Variants in EVL observed in about 807,000 individuals in gnomAD.
EVL encodes ena/VASP-like protein.
EVL carries 21 observed loss-of-function variants against 59.6 expected under a neutral mutation model. The observed-to-expected ratio is 0.35, with a 90% confidence interval of 0.25 to 0.51. EVL has a LOEUF of 0.51. Among genes scored for constraint, EVL ranks in the 20% least tolerant of loss-of-function variants. The pLI, the probability that EVL is intolerant of heterozygous loss-of-function variation, is 0.97. For synonymous variants in EVL, 198 were observed against 203.5 expected, an observed-to-expected ratio of 0.97 and a Z score of 0.23; for missense variants, 462 against 546.6, an observed-to-expected ratio of 0.85 and a Z score of 1.54.
At chr14:100,141,369 A>G in intron 12 of EVL, 123 bp downstream of exon 12, 1 of 1,032,944 alleles carries the variant, frequency 9.7e-7, no homozygotes, top group Non-Finnish European at 1.4e-6. Flanking sequence ...AAGGCCAGTC[A>G]GGGAGCAGCC....
intron 1 of EVL, among the ~76,000 whole-genome samples, chr14:100,010,717 C>G (rs1191330675): frequency 6.6e-6 from 1 of 152,056 alleles, no homozygotes; most frequent in East Asian, 1.9e-4. Flanking sequence ...TTTGTTTGTT[C>G]GTACCTCTGT....
chr14:100,018,660 G>T (rs753443228), intron 1 of EVL, among the ~76,000 whole-genome samples: 1 of 152,200 alleles, frequency 6.6e-6, no homozygotes, highest in Non-Finnish European at 1.5e-5. Context: ...ACCTTTTCCA[G>T]GTCGATTACA....
intron 4 of EVL, among the ~76,000 whole-genome samples, chr14:100,125,309 G>A (rs1433607148): frequency 6.6e-6 from 1 of 150,622 alleles, no homozygotes; most frequent in East Asian, 1.9e-4. Context: ...GGAGACTCTC[G>A]CTTGTCCCAC....
At chr14:100,071,442 C>T (rs942838598) in intron 1 of EVL, among the ~76,000 whole-genome samples, 9 of 152,196 alleles carry the variant, frequency 5.9e-5, no homozygotes, top group African/African-American at 2.4e-5. Flanking sequence ...CTCATGAATT[C>T]ATGGTGGAAT....
rs1340529785 is a variant in EVL, at chr14:99,972,847, G to C, written c.5+790G>C. Among the ~76,000 whole-genome samples, 2 of 150,976 alleles carry C rather than the reference G, an allele frequency of 1.3e-5. No individual in the cohort carries two copies. Among genetic ancestry groups the C allele is most frequent in the Non-Finnish European group, 2.9e-5 (2 of 67,904 alleles). The stretch of plus-strand genomic sequence containing the variant: ...ATTTTGCTTTCTGAACACGTATCTC[G>C]TAAAAACTGTAGTTTGTAACTATAG... On this transcript the variant is annotated intron_variant, in intron 1 of 13. Transcript: ENST00000402714. This position sits in a 1 kb window ranked among gnomAD's most constrained non-coding sequence, Gnocchi z 4.4.
chr14:100,095,538 C>T (rs1885748443), intron 2 of EVL, among the ~76,000 whole-genome samples: 1 of 152,082 alleles, frequency 6.6e-6, no homozygotes, highest in Admixed American at 6.5e-5. Flanking sequence ...TTTCTGATGA[C>T]CTATAACTAA....
At chr14:100,018,149 G>A (rs182306013) in intron 1 of EVL, among the ~76,000 whole-genome samples, 2 of 152,358 alleles carry the variant, frequency 1.3e-5, no homozygotes, top group Non-Finnish European at 2.9e-5. Flanking sequence ...TGCAGGAGAG[G>A]CAAACACAAT....
intron 1 of EVL, among the ~76,000 whole-genome samples, chr14:100,046,599 A>G (rs1007644524): frequency 1.3e-5 from 2 of 151,824 alleles, no homozygotes; most frequent in Non-Finnish European, 2.9e-5. Context: ...CCTGGGAGGC[A>G]GAGGCTGCAG....
chr14:100,121,922 C>A (rs1055962302), intron 3 of EVL, among the ~76,000 whole-genome samples: 1 of 152,198 alleles, frequency 6.6e-6, no homozygotes, highest in South Asian at 2.1e-4. Context: ...TAGACAGGGT[C>A]GCTGGGACAG....
At chr14:100,087,046 T>C (rs987201639) in intron 2 of EVL, among the ~76,000 whole-genome samples, 4 of 152,248 alleles carry the variant, frequency 2.6e-5, no homozygotes, top group African/African-American at 9.6e-5. Flanking sequence ...GAATCAAAGA[T>C]TCCTGGTTTT....
At chr14:100,053,596 C>T (rs1445764746) in intron 1 of EVL, among the ~76,000 whole-genome samples, 1 of 152,188 alleles carries the variant, frequency 6.6e-6, no homozygotes, top group Non-Finnish European at 1.5e-5. Flanking sequence ...ATTGATTACT[C>T]AAACATCATT....
In EVL at chr14:100,125,546, G is replaced by A. The variant is rs537401036; in HGVS notation, c.423-1161G>A. Among the ~76,000 whole-genome samples the A allele has an allele frequency of 8.1e-4, 123 of 152,054 alleles. 2 individuals are homozygous for A. The highest frequency in any genetic ancestry group is 1.5e-3 in the Non-Finnish European group (99 of 67,982). Reference sequence around the variant, plus strand: ...CTTTTCAGACCTTAATGCTAAAAGGGGCTTTTCCGTAATTTTTTTTTTTTT... The same window carrying A: ...CTTTTCAGACCTTAATGCTAAAAGGAGCTTTTCCGTAATTTTTTTTTTTTT... On this transcript the variant is annotated intron_variant, in intron 4 of 13. Transcript: ENST00000392920.
In EVL at chr14:100,127,864, C is replaced by G. The variant is rs1888178193; in HGVS notation, c.488-655C>G. 1.3e-5 allele frequency among the ~76,000 whole-genome samples: 2 copies of G among 152,230 alleles called. No homozygotes were observed. Among genetic ancestry groups the G allele is most frequent in the Non-Finnish European group, 2.9e-5 (2 of 68,042 alleles). ...AGTCCTCCATCTGCGTTTACCTCTG[C>G]GATTCGTTGACTGTTCCTCATAGGC... On this transcript the variant is annotated intron_variant, in intron 5 of 13. Coordinates refer to ENST00000392920, the MANE Select transcript of EVL (RefSeq NM_016337.3). This position sits in a 1 kb window ranked among gnomAD's most constrained non-coding sequence, Gnocchi z 4.2.
At chr14:100,099,888 T>C (rs1886089845) in intron 3 of EVL, among the ~76,000 whole-genome samples, 1 of 151,652 alleles carries the variant, frequency 6.6e-6, no homozygotes, top group Non-Finnish European at 1.5e-5. Context: ...TTATTTTACT[T>C]GTACATGCAG....
intron 1 of EVL, among the ~76,000 whole-genome samples, chr14:100,050,388 C>T (rs957770744): frequency 7.9e-5 from 12 of 151,148 alleles, no homozygotes; most frequent in African/African-American, 2.4e-4. Flanking sequence ...CTCACTCTGT[C>T]GCCCAGGCTG....
At chr14:100,097,182 G>A (rs544948748) in intron 2 of EVL, 2 of 257,586 alleles carry the variant, frequency 7.8e-6, no homozygotes, top group African/African-American at 4.4e-5. Context: ...GCCATGAGTG[G>A]AGTGGCTGAG....
At position 100,084,873 on chromosome 14, in the gene EVL, A is replaced by G. The variant is rs2062402546; in HGVS notation, c.180+18A>G. ...ATCAGCAGGTCAGTGCTGGAATTAC[A>G]GATTATACCCGTGAGCCTGCGCACC... On this transcript the variant is annotated intron_variant, in intron 2 of 13. Transcript: ENST00000392920. 6.2e-7 allele frequency: 1 copy of G among 1,613,130 alleles called. No individual in the cohort carries two copies. The highest frequency in any genetic ancestry group is 8.5e-7 in the Non-Finnish European group (1 of 1,179,598).
chr14:99,994,753 A>T lies in EVL; in HGVS notation c.5+22696A>T, dbSNP rs559288027. On this transcript the variant is annotated intron_variant, in intron 1 of 13. Coordinates refer to the EVL transcript ENST00000402714. ...TTACCTTTACCAGGGAGTTTTGTAT[A>T]TTCTCATGGTTTCATGATGCTATTT... Among the ~76,000 whole-genome samples, 4 of 152,260 alleles carry T rather than the reference A, an allele frequency of 2.6e-5. No individual in the cohort carries two copies. The East Asian group carries it at 7.7e-4, about 29-fold the overall frequency.
chr14:100,006,705 C>T (rs1292806411), intron 1 of EVL, among the ~76,000 whole-genome samples: 3 of 151,846 alleles, frequency 2.0e-5, no homozygotes, highest in African/African-American at 4.8e-5. Flanking sequence ...ATCTCAAATT[C>T]GTCTTCCCTG....
Sources: gnomAD v4.1 joint callset for allele counts (sites outside exome capture counted in the v4.1 genomes callset) on GRCh38, gnomAD v4.1.1 for gene constraint, Gnocchi (gnomAD v3.1) non-coding constraint, MANE v1.5 for transcripts, NCBI Gene and HGNC (gene_info 2026-07-23, HGNC 2026-07-21) for gene names.